Variants in CDH4 observed in about 807,000 individuals in gnomAD.
CDH4 encodes cadherin-4.
CDH4 carries 33 observed loss-of-function variants against 86.0 expected under a neutral mutation model. The ratio of observed to expected loss-of-function variants is 0.38; its 90% CI spans 0.29 to 0.51. The LOEUF is 0.51. Ranked by LOEUF, CDH4 falls within the 20% of genes least tolerant of loss-of-function variation. CDH4 has a pLI of 0.86. For missense variants in CDH4, 1,114 were observed against 1,307.4 expected, an observed-to-expected ratio of 0.85 and a Z score of 2.28; for synonymous variants, 555 against 549.4, an observed-to-expected ratio of 1.01 and a Z score of -0.14.
intron 2 of CDH4, among the ~76,000 whole-genome samples, chr20:61,349,802 G>T (rs556947259): frequency 6.6e-6 from 1 of 152,308 alleles, no homozygotes; most frequent in African/African-American, 2.4e-5. Context: ...TACGTGGAAA[G>T]GAGCATGTGC....
intron 11 of CDH4, among the ~76,000 whole-genome samples, chr20:61,926,960 G>C (rs1037250582): frequency 1.3e-5 from 2 of 149,132 alleles, no homozygotes; most frequent in African/African-American, 4.9e-5. Context: ...CCGTGTGAGG[G>C]AGCCGGGGTG....
intron 2 of CDH4, among the ~76,000 whole-genome samples, chr20:61,444,675 C>T (rs2145538427): frequency 8.3e-6 from 1 of 119,984 alleles, no homozygotes; most frequent in Non-Finnish European, 1.8e-5. Flanking sequence ...GTATGTATAT[C>T]TTTGTGTGTC....
intron 4 of CDH4, among the ~76,000 whole-genome samples, chr20:61,796,426 A>G (rs1325476370): frequency 6.6e-6 from 1 of 152,108 alleles, no homozygotes; most frequent in African/African-American, 2.4e-5. Flanking sequence ...CACAGACGTC[A>G]CTACCCCCAG....
intron 2 of CDH4, among the ~76,000 whole-genome samples, chr20:61,342,926 T>A (rs542793400): frequency 2.9e-4 from 44 of 152,374 alleles, no homozygotes; most frequent in Middle Eastern, 3.4e-3. Context: ...ATTAGCCTCT[T>A]TTAAAACAAA....
intron 2 of CDH4, among the ~76,000 whole-genome samples, chr20:61,469,086 C>T (rs1057183380): frequency 6.6e-6 from 1 of 152,122 alleles, no homozygotes; most frequent in Non-Finnish European, 1.5e-5. Context: ...ATTGCTGCAT[C>T]ATGTGGTAGC....
rs572309881 is a variant in CDH4, at chr20:61,563,102, C to T, written c.170-180461C>T. Reference sequence around the variant, plus strand: ...GGAGCCCAGGCTCAGCACTGCCCAGCGGCAGCTCTGCTCTTAGCTCCAGAG... The same window carrying T: ...GGAGCCCAGGCTCAGCACTGCCCAGTGGCAGCTCTGCTCTTAGCTCCAGAG... On this transcript the variant is annotated intron_variant, in intron 2 of 15. Coordinates refer to ENST00000614565, the MANE Select transcript of CDH4 (RefSeq NM_001794.5). 5.9e-5 allele frequency among the ~76,000 whole-genome samples: 9 copies of T among 152,304 alleles called. No individual in the cohort carries two copies. The South Asian group carries it at 1.9e-3, about 32-fold the overall frequency.
intron 2 of CDH4, among the ~76,000 whole-genome samples, chr20:61,339,285 G>T (rs1387033007): frequency 6.6e-6 from 1 of 152,196 alleles, no homozygotes; most frequent in African/African-American, 2.4e-5. Context: ...AAGGGACTGG[G>T]ATGGAAGACA....
At chr20:61,730,663 G>A (rs975574332) in intron 2 of CDH4, among the ~76,000 whole-genome samples, 3 of 152,210 alleles carry the variant, frequency 2.0e-5, no homozygotes, top group Non-Finnish European at 2.9e-5. Context: ...GGAGGTGGCC[G>A]GCAGTTTCAG....
At chr20:61,827,244 C>T (rs1981368481) in intron 4 of CDH4, among the ~76,000 whole-genome samples, 1 of 152,138 alleles carries the variant, frequency 6.6e-6, no homozygotes, top group South Asian at 2.1e-4. Flanking sequence ...AAGTTGGTGA[C>T]ATTGCTACAC....
At chr20:61,619,299 C>T (rs977353064) in intron 2 of CDH4, among the ~76,000 whole-genome samples, 1 of 152,220 alleles carries the variant, frequency 6.6e-6, no homozygotes, top group African/African-American at 2.4e-5. Flanking sequence ...CTCCGCGTGC[C>T]CCCCACTCCT....
At position 61,299,825 on chromosome 20, in the gene CDH4, A is replaced by G. The variant is rs187193996; in HGVS notation, c.169+44888A>G. 5.3e-5 allele frequency among the ~76,000 whole-genome samples: 8 copies of G among 152,302 alleles called. No individual in the cohort carries two copies. In the South Asian group the frequency reaches 6.2e-4, roughly 12 times the overall value. ...ACTAGCGCCAAAAAACACAGGCTAT[A>G]AAAGTGTTAGGGCCCTAAACTATAA... On this transcript the variant is annotated intron_variant, in intron 2 of 15. Transcript: ENST00000614565.
At chr20:61,587,224 GTGAGGAAGGC>G (rs1568699308) in intron 2 of CDH4, among the ~76,000 whole-genome samples, 1 of 152,172 alleles carries the variant, frequency 6.6e-6, no homozygotes, top group African/African-American at 2.4e-5. Flanking sequence ...CACGGGGAAG[GTGAGGAAGGC>G]TGAGCGCTTG....
intron 2 of CDH4, among the ~76,000 whole-genome samples, chr20:61,594,594 A>G (rs2086542300): frequency 6.6e-6 from 1 of 152,154 alleles, no homozygotes; most frequent in Admixed American, 6.5e-5. Flanking sequence ...CCAACCCTAG[A>G]CACCTGCTGC....
At chr20:61,359,519 C>T (rs371125933) in intron 2 of CDH4, among the ~76,000 whole-genome samples, 57 of 152,162 alleles carry the variant, frequency 3.7e-4, no homozygotes, top group Non-Finnish European at 6.8e-4. Flanking sequence ...GTTTGAAGGG[C>T]GTAGGAGTCT....
intron 2 of CDH4, among the ~76,000 whole-genome samples, chr20:61,641,192 G>A (rs1237689712): frequency 6.6e-6 from 1 of 152,214 alleles, no homozygotes; most frequent in East Asian, 1.9e-4. Context: ...GGTCTGGGGA[G>A]AGGAAAGCCT....
At chr20:61,427,128 C>T (rs1442351055) in intron 2 of CDH4, among the ~76,000 whole-genome samples, 2 of 152,190 alleles carry the variant, frequency 1.3e-5, no homozygotes, top group Non-Finnish European at 2.9e-5. Context: ...TTAAGACAAC[C>T]TTGAACCCAG....
chr20:61,795,281 T>A (rs925097453), intron 4 of CDH4, among the ~76,000 whole-genome samples: 3 of 151,258 alleles, frequency 2.0e-5, no homozygotes, highest in Admixed American at 2.0e-4. Context: ...ATAAAAGCCA[T>A]CACCTTCCCA....
intron 2 of CDH4, among the ~76,000 whole-genome samples, chr20:61,267,627 T>C (rs2084163927): frequency 6.6e-6 from 1 of 152,226 alleles, no homozygotes; most frequent in African/African-American, 2.4e-5. Context: ...TCAAATGGAA[T>C]CTTAACAAGG....
chr20:61,302,569 C>T (rs1461010545), intron 2 of CDH4, among the ~76,000 whole-genome samples: 2 of 152,036 alleles, frequency 1.3e-5, no homozygotes, highest in Non-Finnish European at 1.5e-5. Flanking sequence ...GGCAGGGAAT[C>T]GGCATTGTTG....
Sources: gnomAD v4.1 joint callset for allele counts (sites outside exome capture counted in the v4.1 genomes callset) on GRCh38, gnomAD v4.1.1 for gene constraint, MANE v1.5 for transcripts, NCBI Gene and HGNC (gene_info 2026-07-23, HGNC 2026-07-21) for gene names.